The following ZFHX3 variants were observed in gnomAD, a reference collection of about 807,000 sequenced individuals.
ZFHX3 encodes zinc finger homeobox 3, also known as zinc finger homeobox protein 3.
Under a neutral mutation model 279.1 loss-of-function variants are expected in ZFHX3, and 42 were observed. That is an observed-to-expected ratio of 0.15 (90% CI 0.12 to 0.19). ZFHX3 has a LOEUF of 0.19. Among genes scored for constraint, ZFHX3 ranks in the 10% least tolerant of loss-of-function variants. The pLI is 1.00. For missense variants in ZFHX3, 4,981 were observed against 4,754.0 expected (o/e 1.05, Z -1.40); for synonymous variants, 2,293 against 1,957.8 (o/e 1.17, Z -4.52).
chr16:72,886,566 G>C (rs935391412), intron 4 of ZFHX3, among the ~76,000 whole-genome samples: 4 of 152,058 alleles, frequency 2.6e-5, no homozygotes, highest in African/African-American at 9.7e-5. Context: ...TAATACAAAA[G>C]GAATTCTGAG....
chr16:73,002,463 T>C (rs956060343), intron 1 of ZFHX3, among the ~76,000 whole-genome samples: 2 of 152,152 alleles, frequency 1.3e-5, no homozygotes, highest in African/African-American at 4.8e-5. Context: ...CACAACTGCA[T>C]ACTGCCCACC....
intron 1 of ZFHX3, among the ~76,000 whole-genome samples, chr16:73,848,762 C>T (rs945368186): frequency 6.6e-6 from 1 of 152,170 alleles, no homozygotes; most frequent in Non-Finnish European, 1.5e-5. Context: ...CTTAGTACAT[C>T]GCTATGAAGT....
chr16:73,511,739 G>A (rs995158649), intron 2 of ZFHX3, among the ~76,000 whole-genome samples: 1 of 152,096 alleles, frequency 6.6e-6, no homozygotes, highest in African/African-American at 2.4e-5. Flanking sequence ...TAGAAGGGTG[G>A]CAAAGGAGAT....
chr16:73,678,951 C>G (rs554145758), intron 2 of ZFHX3, among the ~76,000 whole-genome samples: 3 of 152,108 alleles, frequency 2.0e-5, no homozygotes, highest in African/African-American at 7.2e-5. Flanking sequence ...GATCACAACA[C>G]CAGATGACCA....
chr16:72,855,512 A>G (rs2037733628), intron 4 of ZFHX3, among the ~76,000 whole-genome samples: 1 of 152,250 alleles, frequency 6.6e-6, no homozygotes, highest in East Asian at 1.9e-4. Flanking sequence ...ATTCTAATTC[A>G]TTCTGCAGAG....
chr16:73,032,809 T>C (rs1244445131), intron 1 of ZFHX3, among the ~76,000 whole-genome samples: 3 of 152,060 alleles, frequency 2.0e-5, no homozygotes, highest in Non-Finnish European at 2.9e-5. Flanking sequence ...AGGACAGTCA[T>C]TGGAACCACA....
intron 5 of ZFHX3, among the ~76,000 whole-genome samples, chr16:73,222,595 C>A (rs1198933092): frequency 6.6e-6 from 1 of 152,082 alleles, no homozygotes; most frequent in Non-Finnish European, 1.5e-5. Flanking sequence ...AGAGATATTT[C>A]ATGTTCATGG....
chr16:73,668,846 A>G (rs2052872507), intron 2 of ZFHX3, among the ~76,000 whole-genome samples: 1 of 152,178 alleles, frequency 6.6e-6, no homozygotes, highest in African/African-American at 2.4e-5. Context: ...AGAAATGTAA[A>G]TCAAAACCAC....
chr16:73,661,508 G>T (rs759455752), intron 2 of ZFHX3, among the ~76,000 whole-genome samples: 1 of 152,162 alleles, frequency 6.6e-6, no homozygotes, highest in East Asian at 1.9e-4. Context: ...ATCAGTTGAG[G>T]TTGGAAGTTT....
At chr16:73,119,540 T>C (rs1043806426) in intron 7 of ZFHX3, among the ~76,000 whole-genome samples, 1 of 152,226 alleles carries the variant, frequency 6.6e-6, no homozygotes, top group Admixed American at 6.5e-5. Context: ...GGGCCCTTCA[T>C]TATGCTCCTG....
At chr16:73,346,438 C>A (rs1040109638) in intron 3 of ZFHX3, among the ~76,000 whole-genome samples, 19 of 152,128 alleles carry the variant, frequency 1.2e-4, no homozygotes, top group African/African-American at 4.6e-4. Context: ...CACAGATTGG[C>A]CAAAACAGCT....
intron 1 of ZFHX3, among the ~76,000 whole-genome samples, chr16:73,034,472 G>A (rs1054201342): frequency 2.0e-5 from 3 of 152,194 alleles, no homozygotes; most frequent in African/African-American, 7.2e-5. Context: ...GGAAGCCTGT[G>A]TGTGTGGTGC....
At chr16:72,840,410 G>T (rs2037317079) in intron 4 of ZFHX3, among the ~76,000 whole-genome samples, 3 of 152,198 alleles carry the variant, frequency 2.0e-5, no homozygotes, top group Admixed American at 2.0e-4. Context: ...GAGATGGAGG[G>T]GCGGCCATGC....
In ZFHX3 at chr16:72,797,738, G is replaced by C; in HGVS notation, c.4944C>G (p.Ser1648Arg). The part of the protein sequence containing the change: ...GTGNSSSISL[S>R]SSTPSPVSTS... ...TGCTCACAGGACTTGGCGTGGAGGA[G>C]CTCAAGGAAATACTGCTGCTGTTCC... Residue 1648 changes from serine to arginine, a missense_variant, in exon 9 of 10, where the codon AGC becomes AGG. Ser to Arg is a moderately radical substitution (Grantham distance 110). This residue lies in a region of ZFHX3 where 1,751 missense variants were observed against 1,770.0 expected (regional missense o/e 0.99). Transcript: ENST00000268489. 6.2e-7 allele frequency: 1 copy of C among 1,614,168 alleles called. No homozygotes were observed. The highest frequency in any genetic ancestry group is 2.2e-5 in the East Asian group (1 of 44,876).
At chr16:73,192,425 G>C (rs1231516261) in intron 5 of ZFHX3, among the ~76,000 whole-genome samples, 3 of 152,194 alleles carry the variant, frequency 2.0e-5, no homozygotes, top group Admixed American at 2.0e-4. Flanking sequence ...GGACACAACA[G>C]AGGAGAGTGA....
chr16:73,848,351 A>T (rs546436825), intron 1 of ZFHX3, among the ~76,000 whole-genome samples: 3 of 152,228 alleles, frequency 2.0e-5, no homozygotes, highest in East Asian at 3.9e-4. Flanking sequence ...GAACCTAGGC[A>T]ATAAGCTGTT....
At chr16:73,472,340 G>A (rs1435780334) in intron 2 of ZFHX3, among the ~76,000 whole-genome samples, 2 of 151,634 alleles carry the variant, frequency 1.3e-5, no homozygotes, top group Non-Finnish European at 2.9e-5. Flanking sequence ...TGCCCATGGT[G>A]GCACGATGTG....
chr16:73,193,529 C>A (rs985985572), intron 5 of ZFHX3, among the ~76,000 whole-genome samples: 4 of 152,152 alleles, frequency 2.6e-5, no homozygotes, highest in Non-Finnish European at 5.9e-5. Context: ...TTTCCAGTAT[C>A]CTGGGGGTAA....
Position 72,788,811 on chromosome 16 carries a change from G to A in ZFHX3, c.9465C>T (p.Pro3155=). ...GGCCAGGGGAAGGAACAGTTGTGCT[G>A]GGCAGACCCATCAAGTTCGGCTTAG... The part of the protein sequence containing the change: ...TSPKPNLMGL[P]STTVPSPGLP... Residue 3155 remains proline, a synonymous_variant, in exon 10 of 10, where the codon CCC becomes CCT. Coordinates refer to ENST00000268489, the MANE Select transcript of ZFHX3 (RefSeq NM_006885.4). The A allele has an allele frequency of 6.5e-7, 1 of 1,526,768 alleles. No homozygotes were observed. The highest frequency in any genetic ancestry group is 2.2e-5 in the Admixed American group (1 of 44,768). 94.6% of individuals were successfully genotyped at this position (1,526,768 alleles called of 1,614,324 possible).
Sources: allele counts gnomAD v4.1 joint callset (sites outside exome capture counted in the v4.1 genomes callset), GRCh38; gene constraint gnomAD v4.1.1; regional missense constraint gnomAD v4.1.1; transcripts MANE v1.5; gene names NCBI Gene and HGNC (gene_info 2026-07-23, HGNC 2026-07-21).